DOCK2: variants seen among roughly 807,000 people sequenced by gnomAD.
DOCK2 encodes dedicator of cytokinesis protein 2.
DOCK2 carries 87 observed loss-of-function variants against 248.9 expected under a neutral mutation model. The observed-to-expected ratio is 0.35, with a 90% confidence interval of 0.29 to 0.42. The LOEUF is 0.42. Ranked by LOEUF, DOCK2 falls within the 10% of genes least tolerant of loss-of-function variation. The pLI, the probability that DOCK2 is intolerant of heterozygous loss-of-function variation, is 1.00. For synonymous variants in DOCK2, 805 were observed against 821.6 expected (o/e 0.98, Z 0.35); for missense variants, 1,747 against 2,300.2 (o/e 0.76, Z 4.92).
chr5:169,931,383 G>A (rs1186253602), intron 27 of DOCK2, among the ~76,000 whole-genome samples: 6 of 152,300 alleles, frequency 3.9e-5, no homozygotes, highest in Non-Finnish European at 7.3e-5. Context: ...TGATATTGCC[G>A]CCTCTCGGCA....
chr5:169,997,796 GA>G (rs1754699140), intron 30 of DOCK2, among the ~76,000 whole-genome samples: 1 of 151,990 alleles, frequency 6.6e-6, no homozygotes, highest in African/African-American at 2.4e-5. Flanking sequence ...TTTCTACACA[GA>G]CACAGTAACA....
At chr5:169,691,477 A>G (rs1760299238) in intron 9 of DOCK2, among the ~76,000 whole-genome samples, 2 of 152,256 alleles carry the variant, frequency 1.3e-5, no homozygotes, top group African/African-American at 4.8e-5. Flanking sequence ...GCCATACAGC[A>G]GTGAGTGCTT....
chr5:169,849,342 A>G (rs376313039), intron 27 of DOCK2, among the ~76,000 whole-genome samples: 14 of 152,206 alleles, frequency 9.2e-5, no homozygotes, highest in East Asian at 7.7e-4. Context: ...TTGTTAGTGG[A>G]AGAACTAGGA....
chr5:170,043,037 T>C (rs1460867467), intron 38 of DOCK2, among the ~76,000 whole-genome samples: 1 of 152,228 alleles, frequency 6.6e-6, no homozygotes, highest in African/African-American at 2.4e-5. Context: ...ACAGCAAGGA[T>C]GCTTGGCTGG....
chr5:169,907,813 G>A (rs991364387), intron 27 of DOCK2, among the ~76,000 whole-genome samples: 13 of 152,100 alleles, frequency 8.5e-5, no homozygotes, highest in African/African-American at 2.2e-4. Context: ...AGACATTTTT[G>A]TTTGCCACAA....
intron 30 of DOCK2, among the ~76,000 whole-genome samples, chr5:169,998,235 C>T (rs1222465037): frequency 2.6e-5 from 4 of 152,192 alleles, no homozygotes; most frequent in East Asian, 1.9e-4. Context: ...ACTTAAGCCT[C>T]GTGAGTATAA....
At chr5:169,872,979 T>A (rs182109036) in intron 27 of DOCK2, among the ~76,000 whole-genome samples, 1 of 152,320 alleles carries the variant, frequency 6.6e-6, no homozygotes, top group East Asian at 1.9e-4. Flanking sequence ...TGGTAATGAT[T>A]ATTACACTAA....
In DOCK2 at chr5:169,764,494, A is replaced by C. The variant is rs145264659; in HGVS notation, c.2554+2869A>C. On this transcript the variant is annotated intron_variant, in intron 25 of 51. Coordinates refer to ENST00000520908, the MANE Select transcript of DOCK2 (RefSeq NM_004946.3). This position sits in a 1 kb window ranked among gnomAD's most constrained non-coding sequence, Gnocchi z 4.3. ...AATTTTCTAAACCTCTCTGATTCTC[A>C]GTAAGCTCATCTGGAAAGTGGGAAT... 2.0e-5 allele frequency among the ~76,000 whole-genome samples: 3 copies of C among 152,334 alleles called. No individual in the cohort carries two copies. In the East Asian group the frequency reaches 5.8e-4, roughly 29 times the overall value.
At chr5:169,755,327 A>G (rs1764135872) in intron 23 of DOCK2, among the ~76,000 whole-genome samples, 1 of 152,220 alleles carries the variant, frequency 6.6e-6, no homozygotes, top group East Asian at 1.9e-4. Flanking sequence ...GTTTATGTGT[A>G]TAGGTATATA....
chr5:169,657,610 C>T (rs1443599839), intron 2 of DOCK2, among the ~76,000 whole-genome samples: 1 of 152,136 alleles, frequency 6.6e-6, no homozygotes, highest in Non-Finnish European at 1.5e-5. Flanking sequence ...TTTTTTCCTC[C>T]AACCACTTCC....
rs551070461 is a variant in DOCK2 at position 170,078,351 on chromosome 5, C to A, written c.4994+514C>A. On this transcript the variant is annotated intron_variant, in intron 48 of 51. Coordinates refer to ENST00000520908, the MANE Select transcript of DOCK2 (RefSeq NM_004946.3). ...GTTGGACCCTCCAGAAACTTCCCTGCGGGCCTCAGAGGTTACTCTTGCCCA... is the reference window on the plus strand; with the variant it reads ...GTTGGACCCTCCAGAAACTTCCCTGAGGGCCTCAGAGGTTACTCTTGCCCA... Among the ~76,000 whole-genome samples the A allele has an allele frequency of 5.3e-5, 8 of 152,282 alleles. No individual in the cohort carries two copies. The South Asian group carries it at 8.3e-4, about 16-fold the overall frequency.
At chr5:169,936,228 C>T (rs1208263746) in intron 27 of DOCK2, among the ~76,000 whole-genome samples, 2 of 152,290 alleles carry the variant, frequency 1.3e-5, no homozygotes, top group South Asian at 2.1e-4. Flanking sequence ...GAGGCCCAAG[C>T]GTGATAACAC....
intron 1 of DOCK2, among the ~76,000 whole-genome samples, chr5:169,638,317 C>G (rs1043288857): frequency 1.3e-5 from 2 of 152,108 alleles, no homozygotes; most frequent in African/African-American, 4.8e-5. Flanking sequence ...CACTCAATTA[C>G]TGGGTACCGG....
At chr5:170,032,310 G>A (rs745657393) in intron 34 of DOCK2, among the ~76,000 whole-genome samples, 11 of 152,190 alleles carry the variant, frequency 7.2e-5, no homozygotes, top group Non-Finnish European at 1.5e-4. Flanking sequence ...ACAGGTGTGA[G>A]CCACCGCGCC....
At chr5:169,673,411 G>T (rs540054783) in intron 5 of DOCK2, among the ~76,000 whole-genome samples, 1 of 151,870 alleles carries the variant, frequency 6.6e-6, no homozygotes, top group Non-Finnish European at 1.5e-5. Flanking sequence ...TTTTGTTGTT[G>T]TTTTTTTAAT....
intron 25 of DOCK2, among the ~76,000 whole-genome samples, chr5:169,777,145 C>T (rs547734567): frequency 6.6e-6 from 1 of 152,148 alleles, no homozygotes; most frequent in East Asian, 1.9e-4. Flanking sequence ...CTCCCTTTTC[C>T]CTACTTTTCA....
intron 26 of DOCK2, among the ~76,000 whole-genome samples, chr5:169,809,790 C>G (rs1767623290): frequency 6.6e-6 from 1 of 152,248 alleles, no homozygotes; most frequent in African/African-American, 2.4e-5. Context: ...GCAGCACCCT[C>G]TCACTTCTCA....
At chr5:169,948,613 A>ATTTTTTTTTTTTTT (rs772095719) in intron 27 of DOCK2, among the ~76,000 whole-genome samples, 1 of 135,946 alleles carries the variant, frequency 7.4e-6, no homozygotes, top group African/African-American at 2.7e-5. Context: ...TCCACAATTA[A>ATTTTTTTTTTTTTT]TTTTTTTTTT....
intron 36 of DOCK2, among the ~76,000 whole-genome samples, chr5:170,038,844 G>C: frequency 6.6e-6 from 1 of 152,102 alleles, no homozygotes. Context: ...TCTCCCCTGG[G>C]CTGCTCTCCC....
Sources: allele counts gnomAD v4.1 joint callset (sites outside exome capture counted in the v4.1 genomes callset), GRCh38; gene constraint gnomAD v4.1.1; non-coding constraint Gnocchi (gnomAD v3.1); transcripts MANE v1.5; gene names NCBI Gene and HGNC (gene_info 2026-07-23, HGNC 2026-07-21).